SIPA1L3: variants seen among roughly 807,000 people sequenced by gnomAD.
The protein encoded by SIPA1L3 is signal-induced proliferation-associated 1-like protein 3.
In SIPA1L3, 59 loss-of-function variants were observed where a neutral mutation model predicts 150.1. That is an observed-to-expected ratio of 0.39 (90% CI 0.32 to 0.49). The LOEUF is 0.49. SIPA1L3 is among the 20% of genes least tolerant of loss of function. The probability of loss-of-function intolerance (pLI) is 0.86; values close to 1 mark genes in which losing one functional copy is unlikely to be tolerated. For missense variants in SIPA1L3, 2,211 were observed against 2,489.5 expected (o/e 0.89, Z 2.38); for synonymous variants, 1,070 against 1,077.6 (o/e 0.99, Z 0.14).
intron 1 of SIPA1L3, among the ~76,000 whole-genome samples, chr19:37,990,574 G>C (rs1234859906): frequency 6.6e-6 from 1 of 152,222 alleles, no homozygotes; most frequent in South Asian, 2.1e-4. Flanking sequence ...GATGAGTACA[G>C]CTCTTGCTCA....
At chr19:38,037,228 G>A (rs187710128) in intron 2 of SIPA1L3, among the ~76,000 whole-genome samples, 2 of 152,276 alleles carry the variant, frequency 1.3e-5, no homozygotes, top group African/African-American at 4.8e-5. Flanking sequence ...CCAGAGGGCC[G>A]TGACAGCATA....
At chr19:38,016,770 GGT>G (rs1385954539) in intron 1 of SIPA1L3, among the ~76,000 whole-genome samples, 5 of 151,658 alleles carry the variant, frequency 3.3e-5, no homozygotes, top group African/African-American at 9.7e-5. Context: ...TGGGAATACA[GGT>G]GTGAGCCACC....
chr19:38,085,864 C>T (rs1431067145), intron 3 of SIPA1L3, among the ~76,000 whole-genome samples: 2 of 151,788 alleles, frequency 1.3e-5, no homozygotes, highest in Admixed American at 6.6e-5. Context: ...GGCGTGGTGG[C>T]GGGTGCCTGT....
chr19:38,107,335 A>G (rs1214128478), intron 7 of SIPA1L3, among the ~76,000 whole-genome samples: 3 of 152,202 alleles, frequency 2.0e-5, no homozygotes, highest in Admixed American at 1.3e-4. Flanking sequence ...CCAACCCTAG[A>G]GAGGGTGAGT....
chr19:38,042,195 G>A (rs1291939720), intron 2 of SIPA1L3, among the ~76,000 whole-genome samples: 1 of 152,118 alleles, frequency 6.6e-6, no homozygotes, highest in African/African-American at 2.4e-5. Flanking sequence ...TTACATTTAG[G>A]TCTTTTATCC....
At chr19:37,931,720 A>C (rs1478880942) in intron 1 of SIPA1L3, among the ~76,000 whole-genome samples, 1 of 152,120 alleles carries the variant, frequency 6.6e-6, no homozygotes, top group African/African-American at 2.4e-5. Flanking sequence ...ACTGCACTCC[A>C]TCCAGCCTGG....
chr19:38,179,518 A>C (rs527657281), intron 15 of SIPA1L3, among the ~76,000 whole-genome samples: 14 of 152,328 alleles, frequency 9.2e-5, no homozygotes, highest in South Asian at 2.1e-4. Flanking sequence ...CTTTTTAGTT[A>C]TTATAATGTG....
In SIPA1L3 at chr19:38,100,033, C is replaced by T. The variant is rs1335713513; in HGVS notation, c.1737C>T (p.Gly579=). The part of the protein sequence containing the change: ...PTATKHGTGR[G]LPLKDALEYV... ...CCACCAAGCATGGGACCGGGCGGGG[C>T]CTGCCCTTGAAGGATGCCCTGGAGT... is the stretch of plus-strand genomic sequence containing the variant. Residue 579 remains glycine (G), a synonymous_variant, in exon 5 of 22, where the codon GGC becomes GGT. Transcript: ENST00000222345. 2 of 1,612,240 alleles carry T rather than the reference C, an allele frequency of 1.2e-6. No homozygotes were observed. The highest frequency in any genetic ancestry group is 1.1e-5 in the South Asian group (1 of 90,830).
chr19:37,921,283 A>G, intron 1 of SIPA1L3, among the ~76,000 whole-genome samples: 1 of 152,168 alleles, frequency 6.6e-6, no homozygotes, highest in Non-Finnish European at 1.5e-5. Context: ...GGGGGTCTGG[A>G]ACAACAGCAC....
intron 1 of SIPA1L3, among the ~76,000 whole-genome samples, chr19:37,959,586 T>C (rs1242579002): frequency 6.6e-6 from 1 of 152,222 alleles, no homozygotes; most frequent in East Asian, 1.9e-4. Flanking sequence ...ATAAAAATTT[T>C]CTAAGCTCAG....
At chr19:37,936,234 G>T (rs577961062) in intron 1 of SIPA1L3, among the ~76,000 whole-genome samples, 1 of 152,142 alleles carries the variant, frequency 6.6e-6, no homozygotes, top group African/African-American at 2.4e-5. Flanking sequence ...CAGTTTTTCA[G>T]TTGGGCCCAT....
At chr19:38,115,106 G>A (rs1970854399) in intron 8 of SIPA1L3, among the ~76,000 whole-genome samples, 1 of 152,226 alleles carries the variant, frequency 6.6e-6, no homozygotes, top group South Asian at 2.1e-4. Flanking sequence ...GGACTAGCCA[G>A]AGCAGGAACC....
intron 1 of SIPA1L3, among the ~76,000 whole-genome samples, chr19:37,927,097 T>G (rs2046510363): frequency 6.6e-6 from 1 of 151,870 alleles, no homozygotes; most frequent in African/African-American, 2.4e-5. Context: ...GTACAGATCC[T>G]GTCACTCAAA....
chr19:38,157,124 C>T (rs926779228), intron 13 of SIPA1L3, among the ~76,000 whole-genome samples: 3 of 152,138 alleles, frequency 2.0e-5, no homozygotes, highest in Non-Finnish European at 4.4e-5. Flanking sequence ...TGATCCACTA[C>T]ACTCCAGCCT....
intron 1 of SIPA1L3, among the ~76,000 whole-genome samples, chr19:37,950,218 G>A (rs1478779217): frequency 1.3e-5 from 2 of 151,966 alleles, no homozygotes; most frequent in Admixed American, 1.3e-4. Context: ...GGATGCTAAA[G>A]CCTTTTACTT....
chr19:38,021,517 GA>G (rs895653892), intron 1 of SIPA1L3, among the ~76,000 whole-genome samples: 4 of 151,394 alleles, frequency 2.6e-5, no homozygotes, highest in Middle Eastern at 6.8e-3. Flanking sequence ...TGGTGAAGGG[GA>G]AAATGACTGT....
chr19:38,148,751 C>T (rs940527928), intron 12 of SIPA1L3, among the ~76,000 whole-genome samples: 1 of 152,168 alleles, frequency 6.6e-6, no homozygotes, highest in Non-Finnish European at 1.5e-5. Flanking sequence ...CCCTGCTCCC[C>T]GTAAGGTTCC....
rs1218848372 is a variant in SIPA1L3 at position 38,163,080 on chromosome 19, AAC to A, written c.3780+712_3780+713del. 3.9e-5 allele frequency among the ~76,000 whole-genome samples: 6 copies of A among 152,162 alleles called. No individual in the cohort carries two copies. The East Asian group carries it at 1.2e-3, about 29-fold the overall frequency. On this transcript the variant is annotated intron_variant, in intron 14 of 21. Coordinates refer to ENST00000222345, the MANE Select transcript of SIPA1L3 (RefSeq NM_015073.3). Reference sequence around the variant, plus strand: ...CAGTGGGTGTTTGACAAGCGCTTACAACACTCCAGGCATTGGGACCATGATGA... The same window carrying A: ...CAGTGGGTGTTTGACAAGCGCTTACAACTCCAGGCATTGGGACCATGATGA...
intron 1 of SIPA1L3, among the ~76,000 whole-genome samples, chr19:37,941,523 C>T (rs2046658147): frequency 6.7e-6 from 1 of 150,346 alleles, no homozygotes; most frequent in South Asian, 2.1e-4. Context: ...TTGACATTTG[C>T]CGGTCTCCAC....
Sources: gnomAD v4.1 joint callset for allele counts (sites outside exome capture counted in the v4.1 genomes callset) on GRCh38, gnomAD v4.1.1 for gene constraint, MANE v1.5 for transcripts, NCBI Gene and HGNC (gene_info 2026-07-23, HGNC 2026-07-21) for gene names.